The following LRRC8C variants were observed in gnomAD, a reference collection of about 807,000 sequenced individuals.
The protein encoded by LRRC8C is volume-regulated anion channel subunit LRRC8C.
LRRC8C carries 20 observed loss-of-function variants against 55.3 expected under a neutral mutation model. The observed-to-expected ratio is 0.36, with a 90% CI of 0.25 to 0.53. The LOEUF (loss-of-function observed/expected upper bound fraction) is 0.53, where lower values mean the gene tolerates loss of function less well. Among genes scored for constraint, LRRC8C ranks in the 20% least tolerant of loss-of-function variants. The pLI is 0.92. For synonymous variants in LRRC8C, 376 were observed against 360.7 expected (o/e 1.04, Z -0.48); for missense variants, 659 against 951.4 (o/e 0.69, Z 4.04).
chr1:89,657,633 T>G (rs1570700415), intron 1 of LRRC8C, among the ~76,000 whole-genome samples: 1 of 151,318 alleles, frequency 6.6e-6, no homozygotes, highest in Non-Finnish European at 1.5e-5. Flanking sequence ...CCCAGCTACT[T>G]GGGAGACTGA....
At chr1:89,670,178 G>A (rs1657376781) in intron 1 of LRRC8C, among the ~76,000 whole-genome samples, 1 of 152,120 alleles carries the variant, frequency 6.6e-6, no homozygotes, top group African/African-American at 2.4e-5. Context: ...TTAATACCAT[G>A]CTTTCACTCC....
chr1:89,641,445 T>C (rs1656452857), intron 1 of LRRC8C, among the ~76,000 whole-genome samples: 1 of 152,252 alleles, frequency 6.6e-6, no homozygotes, highest in African/African-American at 2.4e-5. Flanking sequence ...AGTGTTTCCC[T>C]ATTAAACTTA....
At chr1:89,648,603 T>G (rs1408261367) in intron 1 of LRRC8C, among the ~76,000 whole-genome samples, 1 of 152,210 alleles carries the variant, frequency 6.6e-6, no homozygotes, top group African/African-American at 2.4e-5. Flanking sequence ...AGATATAATA[T>G]ACAAACCACA....
intron 2 of LRRC8C, among the ~76,000 whole-genome samples, chr1:89,707,368 C>T (rs1658512997): frequency 1.3e-5 from 2 of 151,938 alleles, no homozygotes; most frequent in East Asian, 3.9e-4. Flanking sequence ...GATTGCGCCA[C>T]TGCACTCCAG....
chr1:89,686,418 G>C (rs1272244096), intron 1 of LRRC8C, 52 bp from the exon 2 acceptor site: 4 of 1,594,348 alleles, frequency 2.5e-6, no homozygotes, highest in Non-Finnish European at 3.4e-6. Context: ...TAACAATGCA[G>C]TATGTTGTAC....
At chr1:89,663,005 A>ATGTTCCCCTCCCTGTGTCCATG (rs1258042191) in intron 1 of LRRC8C, among the ~76,000 whole-genome samples, 1 of 151,964 alleles carries the variant, frequency 6.6e-6, no homozygotes, top group East Asian at 1.9e-4. Context: ...CCAGTGTGTG[A>ATGTTCCCCTCCCTGTGTCCATG]TGTTCCCCTC....
At chr1:89,664,673 G>A (rs536886219) in intron 1 of LRRC8C, among the ~76,000 whole-genome samples, 130 of 152,228 alleles carry the variant, frequency 8.5e-4, no homozygotes, top group African/African-American at 2.9e-3. Flanking sequence ...TTCTAATTAC[G>A]TGAAGAAAGT....
chr1:89,628,323 C>T (rs1422028385), upstream of LRRC8C, among the ~76,000 whole-genome samples: 5 of 152,134 alleles, frequency 3.3e-5, no homozygotes, highest in African/African-American at 7.2e-5. Context: ...TTTATTTGAT[C>T]GTAGTTTTGT....
intron 1 of LRRC8C, among the ~76,000 whole-genome samples, chr1:89,634,439 G>C (rs901300613): frequency 1.3e-5 from 2 of 152,162 alleles, no homozygotes; most frequent in African/African-American, 4.8e-5. Flanking sequence ...CTTCTTTCGC[G>C]GTAGTGTGAG....
chr1:89,679,537 G>C (rs1231621135), intron 1 of LRRC8C, among the ~76,000 whole-genome samples: 1 of 152,194 alleles, frequency 6.6e-6, no homozygotes, highest in African/African-American at 2.4e-5. Flanking sequence ...CAGGGTGACA[G>C]AGCCAGACCC....
chr1:89,687,657 G>C (rs913373533), intron 2 of LRRC8C, among the ~76,000 whole-genome samples: 3 of 152,162 alleles, frequency 2.0e-5, no homozygotes, highest in Admixed American at 1.3e-4. Flanking sequence ...AGAGGCATAG[G>C]TCAGAAGCCA....
chr1:89,638,832 C>T (rs1301924604), intron 1 of LRRC8C, among the ~76,000 whole-genome samples: 1 of 152,054 alleles, frequency 6.6e-6, no homozygotes, highest in Non-Finnish European at 1.5e-5. Flanking sequence ...AGACATTCAA[C>T]ATCCTTTATA....
chr1:89,641,924 C>T (rs1483064182), intron 1 of LRRC8C, among the ~76,000 whole-genome samples: 4 of 152,144 alleles, frequency 2.6e-5, no homozygotes, highest in African/African-American at 4.8e-5. Context: ...CTTATTAATC[C>T]GTTTAAACGA....
chr1:89,663,966 G>A (rs1188740455), intron 1 of LRRC8C, among the ~76,000 whole-genome samples: 5 of 151,954 alleles, frequency 3.3e-5, no homozygotes, highest in African/African-American at 1.2e-4. Context: ...ACTTTTTGAT[G>A]GTGTTGATTT....
intron 1 of LRRC8C, among the ~76,000 whole-genome samples, chr1:89,637,576 C>T (rs1015005500): frequency 2.6e-5 from 4 of 151,932 alleles, no homozygotes; most frequent in African/African-American, 9.7e-5. Context: ...CATTCTTGGA[C>T]TGTAAAAGTA....
intron 2 of LRRC8C, among the ~76,000 whole-genome samples, chr1:89,695,723 A>C (rs1658156356): frequency 6.6e-6 from 1 of 152,236 alleles, no homozygotes; most frequent in Non-Finnish European, 1.5e-5. Context: ...ATTTAAAAAA[A>C]ATAATAATTT....
chr1:89,659,669 A>G (rs564947289), intron 1 of LRRC8C, among the ~76,000 whole-genome samples: 22 of 152,326 alleles, frequency 1.4e-4, no homozygotes, highest in Non-Finnish European at 2.8e-4. Flanking sequence ...TAAAATGGTA[A>G]TGAACTGTTA....
chr1:89,658,073 G>T (rs187559647), intron 1 of LRRC8C, among the ~76,000 whole-genome samples: 90 of 152,220 alleles, frequency 5.9e-4, no homozygotes, highest in African/African-American at 1.9e-3. Context: ...AGCAGAATAG[G>T]TTCTTTATAT....
chr1:89,658,082 A>G (rs1163331858), intron 1 of LRRC8C, among the ~76,000 whole-genome samples: 1 of 152,166 alleles, frequency 6.6e-6, no homozygotes, highest in Non-Finnish European at 1.5e-5. Context: ...GGTTCTTTAT[A>G]TAAGGAAACC....
Sources: allele counts gnomAD v4.1 joint callset (sites outside exome capture counted in the v4.1 genomes callset), GRCh38; gene constraint gnomAD v4.1.1; transcripts MANE v1.5; gene names NCBI Gene and HGNC (gene_info 2026-07-23, HGNC 2026-07-21).